The following RBM4 variants were observed in gnomAD, a reference collection of about 807,000 sequenced individuals.
The protein encoded by RBM4 is RNA-binding protein 4.
In RBM4, 7 loss-of-function variants were observed where a neutral mutation model predicts 29.5. The observed-to-expected ratio is 0.24, with a 90% CI of 0.14 to 0.45. The LOEUF (loss-of-function observed/expected upper bound fraction) is 0.45. RBM4 is among the 20% of genes least tolerant of loss of function. The pLI is 1.00. For missense variants in RBM4, 387 were observed against 502.3 expected, an observed-to-expected ratio of 0.77 and a Z score of 2.19; for synonymous variants, 220 against 205.4, an observed-to-expected ratio of 1.07 and a Z score of -0.61.
chr11:66,651,757 G>A (rs1285079972), intron 2 of RBM4, among the ~76,000 whole-genome samples: 10 of 152,198 alleles, frequency 6.6e-5, no homozygotes, highest in Admixed American at 6.5e-4. Flanking sequence ...GGCTGGGAAA[G>A]CTGAGATCAA....
At chr11:66,644,218 G>C (rs547451339) in intron 3 of RBM4, 78 bp downstream of exon 3, 2 of 1,498,164 alleles carry the variant, frequency 1.3e-6, no homozygotes, top group Non-Finnish European at 1.8e-6. Flanking sequence ...AGGCTGCCCT[G>C]CTTGCTTGCT....
intron 2 of RBM4, 116 bp downstream of exon 2, chr11:66,640,239 GAAAT>G: frequency 1.4e-6 from 2 of 1,388,892 alleles, no homozygotes; most frequent in Non-Finnish European, 2.0e-6. Flanking sequence ...TGGTGATGAA[GAAAT>G]AAGTGTGGGT....
chr11:66,662,005 C>CA (rs1939092813), intron 2 of RBM4, among the ~76,000 whole-genome samples: 1 of 152,092 alleles, frequency 6.6e-6, no homozygotes, highest in Admixed American at 6.5e-5. Flanking sequence ...ACTCCAGCCT[C>CA]AGTGACAGAG....
At chr11:66,650,233 A>G (rs544569756), downstream of RBM4, among the ~76,000 whole-genome samples, 5 of 152,200 alleles carry the variant, frequency 3.3e-5, no homozygotes, top group Admixed American at 3.3e-4. Context: ...TTTCAGGGTG[A>G]TCTTGGAATT....
downstream of RBM4, among the ~76,000 whole-genome samples, chr11:66,650,873 AAAT>A (rs760905038): frequency 9.2e-5 from 14 of 152,034 alleles, no homozygotes; most frequent in Non-Finnish European, 1.5e-4. Context: ...AAAATAAGTA[AAAT>A]AATAATAATA....
Position 66,643,964 on chromosome 11 carries a change from C to T in RBM4, c.927C>T (p.Ser309=). Residue 309 remains serine (S), a synonymous_variant, in exon 3 of 4, where the codon AGC becomes AGT. Coordinates refer to ENST00000310092, the MANE Select transcript of RBM4 (RefSeq NM_002896.4). The surrounding 1 kb of genome is among the most constrained non-coding windows in gnomAD (Gnocchi z 6.1). ...CTTCATATTACGGGCGGGATCGGAG[C>T]CCCCTGCGTCGCGCTACAGCCCCAG... ...ASTSYYGRDR[S]PLRRATAPVP... 2 of 1,612,876 alleles carry T rather than the reference C, an allele frequency of 1.2e-6. No individual in the cohort carries two copies. Among genetic ancestry groups the T allele is most frequent in the Non-Finnish European group, 1.7e-6 (2 of 1,180,008 alleles).
chr11:66,663,040 A>G (rs1333667633), intron 2 of RBM4, among the ~76,000 whole-genome samples: 1 of 152,240 alleles, frequency 6.6e-6, no homozygotes, highest in Non-Finnish European at 1.5e-5. Flanking sequence ...AGTATAAAAT[A>G]TGTGAGGTAA....
intron 2 of RBM4, 121 bp downstream of exon 2, chr11:66,640,244 A>G: frequency 7.5e-7 from 1 of 1,340,120 alleles, no homozygotes. Context: ...ATGAAGAAAT[A>G]AGTGTGGGTG....
Position 66,643,435 on chromosome 11 carries a change from G to A in RBM4, c.413-15G>A, listed in dbSNP as rs751057995. On this transcript the variant is annotated splice_polypyrimidine_tract_variant and intron_variant, in intron 2 of 3. Coordinates refer to ENST00000310092, the MANE Select transcript of RBM4 (RefSeq NM_002896.4). This position sits in a 1 kb window ranked among gnomAD's most constrained non-coding sequence, Gnocchi z 6.1. ...TAAGAGTGATAGCAACCCTTCTTGC[G>A]TCTGTTTCTTCAAGGCAAACGAATG... The A allele has an allele frequency of 2.1e-5, 34 of 1,591,036 alleles. No individual in the cohort carries two copies. Among genetic ancestry groups the A allele is most frequent in the Non-Finnish European group, 5.1e-6 (6 of 1,165,592 alleles).
At position 66,643,678 on chromosome 11, in the gene RBM4, C is replaced by T. The variant is rs767125416; in HGVS notation, c.641C>T (p.Ala214Val). 12 of 1,614,044 alleles carry T rather than the reference C, an allele frequency of 7.4e-6. No individual in the cohort carries two copies. The highest frequency in any genetic ancestry group is 1.6e-4 in the Middle Eastern group (1 of 6,084). The change falls in exon 3 of 4, where the codon GCG (alanine) becomes GTG (valine). Residue 214 changes from alanine to valine, a missense_variant. Physicochemically the swap from Ala to Val is moderately conservative, Grantham distance 64 (BLOSUM62 0). Coordinates refer to ENST00000310092, the MANE Select transcript of RBM4 (RefSeq NM_002896.4). This position sits in a 1 kb window ranked among gnomAD's most constrained non-coding sequence, Gnocchi z 6.1. ...GGGGATTCATTGTATTACAACAACG[C>T]GTACGGAGCGCTCGATGCCTACTAC... ...SYGDSLYYNN[A>V]YGALDAYYKR...
At chr11:66,663,832 C>G (rs11227563) in intron 2 of RBM4, among the ~76,000 whole-genome samples, 2 of 151,914 alleles carry the variant, frequency 1.3e-5, no homozygotes, top group Non-Finnish European at 2.9e-5. Context: ...CAGCCTTTTT[C>G]TGATGCAGGG....
chr11:66,643,398 T>C lies in RBM4; in HGVS notation c.413-52T>C. ...TATGACCAGTGTCTGGGGTAGGGGC[T>C]GGGGCTATGACTAAGAGTGATAGCA... On this transcript the variant is annotated intron_variant, in intron 2 of 3. Coordinates refer to ENST00000310092, the MANE Select transcript of RBM4 (RefSeq NM_002896.4). The surrounding 1 kb of genome is among the most constrained non-coding windows in gnomAD (Gnocchi z 6.1). The C allele has an allele frequency of 6.4e-7, 1 of 1,555,758 alleles. No homozygotes were observed. Among genetic ancestry groups the C allele is most frequent in the Non-Finnish European group, 8.7e-7 (1 of 1,146,792 alleles).
intron 3 of RBM4, chr11:66,644,716 TTA>T (rs1328897511): frequency 1.0e-6 from 1 of 971,256 alleles, no homozygotes; most frequent in Non-Finnish European, 1.2e-6. Context: ...CGTTCAACCC[TTA>T]TGAGTTTTAT....
chr11:66,657,325 C>T (rs1938968563), intron 2 of RBM4, among the ~76,000 whole-genome samples: 1 of 151,578 alleles, frequency 6.6e-6, no homozygotes. Flanking sequence ...TGGGGTCTCC[C>T]TATGTTGCCC....
At chr11:66,656,568 T>C (rs1185718023) in intron 2 of RBM4, among the ~76,000 whole-genome samples, 1 of 152,202 alleles carries the variant, frequency 6.6e-6, no homozygotes. Flanking sequence ...TGAGCCACTA[T>C]GCCCGGCCTG....
chr11:66,663,087 C>T (rs1055056016), intron 2 of RBM4, among the ~76,000 whole-genome samples: 1 of 152,170 alleles, frequency 6.6e-6, no homozygotes, highest in African/African-American at 2.4e-5. Context: ...CACATGTAGT[C>T]AGAATTTACA....
At chr11:66,648,407 G>C (rs1350718630), downstream of RBM4, among the ~76,000 whole-genome samples, 1 of 151,918 alleles carries the variant, frequency 6.6e-6, no homozygotes, top group South Asian at 2.1e-4. Context: ...TGTGGTCCCA[G>C]CTACTCCAGA....
chr11:66,666,043 G>T, exon 3 of RBM4: 1 of 1,277,588 alleles, frequency 7.8e-7, no homozygotes, highest in South Asian at 1.4e-5. Context: ...TTTCAGAAAT[G>T]ATGGTCACAA....
intron 2 of RBM4, among the ~76,000 whole-genome samples, chr11:66,655,622 T>C (rs1298247052): frequency 1.3e-5 from 2 of 152,186 alleles, no homozygotes; most frequent in Non-Finnish European, 2.9e-5. Context: ...ATGAGTTGAA[T>C]TAGATGTAAG....
Sources: allele counts gnomAD v4.1 joint callset (sites outside exome capture counted in the v4.1 genomes callset), GRCh38; gene constraint gnomAD v4.1.1; non-coding constraint Gnocchi (gnomAD v3.1); transcripts MANE v1.5; gene names NCBI Gene and HGNC (gene_info 2026-07-23, HGNC 2026-07-21).